LRTM3: variants seen among roughly 807,000 people sequenced by gnomAD.
LRTM3 encodes the protein leucine rich repeat transmembrane protein 3, also known as leucine-rich repeat transmembrane protein 3.
At chr13:102,740,978 T>G in the LRTM3 span, 1 of 1,550,052 alleles carries the variant, frequency 6.5e-7, no homozygotes, top group African/African-American at 1.4e-5. Context: ...ACATGGAGGT[T>G]GATCCACCGG....
the LRTM3 span, chr13:102,733,753 ATCT>A: frequency 6.4e-6 from 10 of 1,551,206 alleles, no homozygotes; most frequent in Non-Finnish European, 8.7e-6. Flanking sequence ...ACTGATTCAA[ATCT>A]TCTTCTGACC....
chr13:102,748,868 T>C, the LRTM3 span: 1 of 1,550,452 alleles, frequency 6.4e-7, no homozygotes, highest in Non-Finnish European at 8.7e-7. Context: ...GTTTTCTTTG[T>C]CATACTCCTT....
chr13:102,738,303 CT>C, the LRTM3 span: 3 of 1,550,966 alleles, frequency 1.9e-6, no homozygotes, highest in Non-Finnish European at 1.7e-6. Context: ...ACTCCATCTG[CT>C]TTTTCCCCTG....
chr13:102,745,560 T>C, the LRTM3 span: 3 of 1,551,026 alleles, frequency 1.9e-6, no homozygotes, highest in Admixed American at 5.9e-5. Context: ...GATGGCTTCT[T>C]TGCCTTTATA....
chr13:102,757,844 T>C, the LRTM3 span, among the ~76,000 whole-genome samples: 1 of 152,220 alleles, frequency 6.6e-6, no homozygotes, highest in Non-Finnish European at 1.5e-5. Flanking sequence ...ACAGAGACTA[T>C]ATTATGGTTT....
chr13:102,750,682 T>A, the LRTM3 span, among the ~76,000 whole-genome samples: 1 of 152,202 alleles, frequency 6.6e-6, no homozygotes, highest in Non-Finnish European at 1.5e-5. Flanking sequence ...TAAGATTATA[T>A]TATTTTACAA....
At chr13:102,748,499 T>C in the LRTM3 span, 1 of 1,551,024 alleles carries the variant, frequency 6.4e-7, no homozygotes. Flanking sequence ...TGGTAACTCC[T>C]CTCCATTTGA....
At chr13:102,740,842 TACCTTTGGTG>T in the LRTM3 span, 1 of 1,549,968 alleles carries the variant, frequency 6.5e-7, no homozygotes, top group Non-Finnish European at 8.7e-7. Flanking sequence ...ATGCTTTCTT[TACCTTTGGTG>T]ACTTAATCTG....
At chr13:102,738,562 C>G in the LRTM3 span, 1 of 1,550,586 alleles carries the variant, frequency 6.4e-7, no homozygotes, top group Non-Finnish European at 8.7e-7. Flanking sequence ...TAATTTTTTC[C>G]ATTTTTTGCC....
chr13:102,739,869 C>T, the LRTM3 span: 10 of 1,549,992 alleles, frequency 6.5e-6, no homozygotes, highest in East Asian at 2.4e-5. Context: ...TTCACATTGA[C>T]CATTTTGTCT....
the LRTM3 span, chr13:102,749,796 C>T: frequency 2.6e-6 from 4 of 1,551,348 alleles, no homozygotes; most frequent in Non-Finnish European, 3.5e-6. Context: ...GCATTTTGTC[C>T]TGGAAAAGAA....
chr13:102,738,262 T>C, the LRTM3 span: 1 of 1,550,800 alleles, frequency 6.4e-7, no homozygotes, highest in Middle Eastern at 1.7e-4. Context: ...TTGCTTTTTG[T>C]ACTTTGATTG....
chr13:102,755,962 T>TACATATA, the LRTM3 span, among the ~76,000 whole-genome samples: 1 of 56,650 alleles, frequency 1.8e-5, no homozygotes, highest in African/African-American at 6.1e-5. Context: ...TATATATATA[T>TACATATA]TTTTTTTTTT....
chr13:102,747,068 G>A, the LRTM3 span: 1 of 1,551,014 alleles, frequency 6.4e-7, no homozygotes, highest in African/African-American at 1.4e-5. Flanking sequence ...GACTGCTTTT[G>A]GTAGAGTTTC....
chr13:102,739,757 A>T, the LRTM3 span: 263 of 1,549,028 alleles, frequency 1.7e-4, no homozygotes, highest in Non-Finnish European at 2.2e-4. Flanking sequence ...ATTACTTGAG[A>T]TCACCCCATC....
At chr13:102,748,116 A>C in the LRTM3 span, 1 of 1,550,984 alleles carries the variant, frequency 6.4e-7, no homozygotes, top group Non-Finnish European at 8.7e-7. Flanking sequence ...TTGGCTTTTG[A>C]TATGCTATGT....
the LRTM3 span, among the ~76,000 whole-genome samples, chr13:102,757,147 T>C: frequency 6.6e-6 from 1 of 152,198 alleles, no homozygotes; most frequent in Non-Finnish European, 1.5e-5. Flanking sequence ...TGACATGCTG[T>C]AGCTTGTGCT....
the LRTM3 span, chr13:102,749,599 C>T: frequency 6.4e-7 from 1 of 1,551,370 alleles, no homozygotes; most frequent in Non-Finnish European, 8.7e-7. Context: ...AATGTTGGTT[C>T]CTATCCAGAT....
the LRTM3 span, chr13:102,745,748 G>C: frequency 6.4e-7 from 1 of 1,551,068 alleles, no homozygotes; most frequent in Admixed American, 2.0e-5. Flanking sequence ...ACCTTCTCTT[G>C]CATAAAATAT....
Sources: allele counts gnomAD v4.1 joint callset (sites outside exome capture counted in the v4.1 genomes callset), GRCh38; gene constraint gnomAD v4.1.1; transcripts MANE v1.5; gene names NCBI Gene and HGNC (gene_info 2026-07-23, HGNC 2026-07-21).